Variants in OR5D3 observed in about 807,000 individuals in gnomAD.
OR5D3 encodes the protein olfactory receptor 5D3.
chr11:55,727,710 TAAG>T, the OR5D3 span: 8 of 152,024 alleles, frequency 5.3e-5, no homozygotes, highest in African/African-American at 1.7e-4. Context: ...TGCATGATAA[TAAG>T]AAGATGGTAA....
chr11:55,723,777 G>C, the OR5D3 span: 1 of 325,220 alleles, frequency 3.1e-6, no homozygotes, highest in Non-Finnish European at 5.6e-6. Context: ...CTAGTCACGA[G>C]GTCCCCAAGG....
At chr11:55,729,498 T>C in the OR5D3 span, 7 of 152,010 alleles carry the variant, frequency 4.6e-5, no homozygotes, top group African/African-American at 1.7e-4. Context: ...ATCTGGACCA[T>C]TTTATGTAAA....
the OR5D3 span, chr11:55,727,312 A>G: frequency 1.0e-5 from 4 of 386,966 alleles, no homozygotes; most frequent in Non-Finnish European, 1.8e-5. Context: ...AAATACTGTA[A>G]GTATGGAATC....
the OR5D3 span, chr11:55,726,958 AC>A: frequency 2.5e-6 from 1 of 400,110 alleles, no homozygotes; most frequent in Non-Finnish European, 4.4e-6. Flanking sequence ...GACCGCCATT[AC>A]CATTTTCCAT....
At chr11:55,725,565 G>C in the OR5D3 span, among the ~76,000 whole-genome samples, 1 of 151,874 alleles carries the variant, frequency 6.6e-6, no homozygotes, top group African/African-American at 2.4e-5. Context: ...CACATATTTT[G>C]TTGCAATAAT....
chr11:55,726,450 A>C, the OR5D3 span: 14 of 467,294 alleles, frequency 3.0e-5, no homozygotes, highest in African/African-American at 1.6e-4. Context: ...CAATTACACC[A>C]AAACTGCTGG....
the OR5D3 span, chr11:55,727,658 A>AGTTAAGT: frequency 6.6e-6 from 1 of 151,768 alleles, no homozygotes; most frequent in Non-Finnish European, 1.5e-5. Flanking sequence ...GAATCTGGTA[A>AGTTAAGT]AGTTAAGTTA....
At chr11:55,726,976 A>G in the OR5D3 span, 1 of 400,288 alleles carries the variant, frequency 2.5e-6, no homozygotes, top group Non-Finnish European at 4.4e-6. Context: ...CCATGGGACT[A>G]TCCTTTTTCT....
At chr11:55,724,055 G>A in the OR5D3 span, 1 of 397,022 alleles carries the variant, frequency 2.5e-6, no homozygotes, top group East Asian at 3.6e-5. Flanking sequence ...CTGTATTTAG[G>A]TGAGTTGATT....
chr11:55,727,730 T>C, the OR5D3 span: 2 of 152,036 alleles, frequency 1.3e-5, no homozygotes. Flanking sequence ...GTAAATATTT[T>C]TGCAAATAAA....
chr11:55,727,885 C>A, the OR5D3 span: 1 of 151,906 alleles, frequency 6.6e-6, no homozygotes, highest in African/African-American at 2.4e-5. Context: ...TAACCAGTTT[C>A]CCCCTAAGAT....
chr11:55,726,755 A>G, the OR5D3 span: 7 of 398,998 alleles, frequency 1.8e-5, no homozygotes, highest in Non-Finnish European at 2.7e-5. Flanking sequence ...GTCTGTGAGC[A>G]CGCTGCCATT....
the OR5D3 span, chr11:55,723,984 A>T: frequency 2.5e-6 from 1 of 398,022 alleles, no homozygotes; most frequent in African/African-American, 2.1e-5. Flanking sequence ...AAGCGGGAGC[A>T]TTATTGGAGT....
the OR5D3 span, among the ~76,000 whole-genome samples, chr11:55,724,486 TA>T: frequency 2.0e-5 from 3 of 152,052 alleles, no homozygotes; most frequent in African/African-American, 7.3e-5. Flanking sequence ...GAGTAGATGG[TA>T]AAATAAAGCA....
chr11:55,724,673 C>T, the OR5D3 span, among the ~76,000 whole-genome samples: 2 of 151,994 alleles, frequency 1.3e-5, no homozygotes, highest in Admixed American at 1.3e-4. Context: ...TTCATGCATT[C>T]ATCAATAAAA....
At chr11:55,724,087 T>A in the OR5D3 span, 2 of 397,376 alleles carry the variant, frequency 5.0e-6, no homozygotes, top group South Asian at 1.3e-4. Context: ...AAATTTTATT[T>A]CAGAAGGAAA....
At chr11:55,723,856 G>T in the OR5D3 span, 5 of 370,724 alleles carry the variant, frequency 1.3e-5, no homozygotes, top group Non-Finnish European at 2.4e-5. Flanking sequence ...CCTTATCTCT[G>T]CTATCTATGA....
At chr11:55,724,839 G>T in the OR5D3 span, among the ~76,000 whole-genome samples, 1 of 151,970 alleles carries the variant, frequency 6.6e-6, no homozygotes, top group Non-Finnish European at 1.5e-5. Flanking sequence ...ATAAATAATT[G>T]TTTCAGGGAA....
the OR5D3 span, among the ~76,000 whole-genome samples, chr11:55,725,614 T>C: frequency 6.6e-6 from 1 of 152,014 alleles, no homozygotes; most frequent in Admixed American, 6.5e-5. Context: ...AAAAATAACA[T>C]GAAAATTTTT....
Sources: allele counts gnomAD v4.1 joint callset (sites outside exome capture counted in the v4.1 genomes callset), GRCh38; gene constraint gnomAD v4.1.1; transcripts MANE v1.5; gene names NCBI Gene and HGNC (gene_info 2026-07-23, HGNC 2026-07-21).